Variants in PRKCA observed in about 807,000 individuals in gnomAD.
PRKCA encodes the protein protein kinase C alpha type.
Under a neutral mutation model 87.0 loss-of-function variants are expected in PRKCA, and 27 were observed. The observed-to-expected ratio is 0.31, with a 90% CI of 0.23 to 0.43. PRKCA has a LOEUF of 0.43. Ranked by LOEUF, PRKCA falls within the 20% of genes least tolerant of loss-of-function variation. The pLI is 1.00. For synonymous variants in PRKCA, 329 were observed against 311.1 expected (o/e 1.06, Z -0.61); for missense variants, 518 against 852.3 (o/e 0.61, Z 4.88).
At chr17:66,636,456 G>A (rs1971154400) in intron 3 of PRKCA, among the ~76,000 whole-genome samples, 1 of 152,198 alleles carries the variant, frequency 6.6e-6, no homozygotes, top group Admixed American at 6.5e-5. Flanking sequence ...GAAAGTCCAG[G>A]CATGGGGTGC....
intron 8 of PRKCA, among the ~76,000 whole-genome samples, chr17:66,705,423 C>T (rs1022089321): frequency 3.9e-5 from 6 of 152,114 alleles, no homozygotes; most frequent in African/African-American, 1.4e-4. Flanking sequence ...AGGGTGCATG[C>T]ATTTATATTA....
intron 3 of PRKCA, among the ~76,000 whole-genome samples, chr17:66,582,227 C>T (rs1266047061): frequency 6.6e-6 from 1 of 152,216 alleles, no homozygotes; most frequent in Non-Finnish European, 1.5e-5. Context: ...AGGGATACTT[C>T]TGTATTAACT....
At chr17:66,658,249 G>A (rs1397116064) in intron 5 of PRKCA, among the ~76,000 whole-genome samples, 1 of 152,136 alleles carries the variant, frequency 6.6e-6, no homozygotes, top group Non-Finnish European at 1.5e-5. Context: ...GGAGGTCAAG[G>A]TGGGCAGATC....
At chr17:66,385,611 C>G (rs1388040628) in intron 2 of PRKCA, among the ~76,000 whole-genome samples, 1 of 152,146 alleles carries the variant, frequency 6.6e-6, no homozygotes, top group African/African-American at 2.4e-5. Context: ...CATGGAATCC[C>G]AGCACTTTGA....
At chr17:66,587,768 C>T (rs1335963292) in intron 3 of PRKCA, among the ~76,000 whole-genome samples, 6 of 90,540 alleles carry the variant, frequency 6.6e-5, no homozygotes, top group Non-Finnish European at 1.1e-4. Flanking sequence ...TACATATATA[C>T]GTATATGTGT....
chr17:66,571,381 A>G (rs1475632094), intron 3 of PRKCA, among the ~76,000 whole-genome samples: 2 of 152,180 alleles, frequency 1.3e-5, no homozygotes, highest in African/African-American at 4.8e-5. Flanking sequence ...ATATACAAAT[A>G]TGTTTAAGTT....
At chr17:66,577,258 C>T (rs139585273) in intron 3 of PRKCA, among the ~76,000 whole-genome samples, 54 of 152,264 alleles carry the variant, frequency 3.5e-4, no homozygotes, top group African/African-American at 1.3e-3. Context: ...AGGAGGGACA[C>T]CTGGTCTTCC....
intron 2 of PRKCA, among the ~76,000 whole-genome samples, chr17:66,358,306 GAAT>G (rs1908185639): frequency 6.6e-6 from 1 of 152,104 alleles, no homozygotes. Context: ...CGTTGTAATT[GAAT>G]AATAAGTGTC....
intron 2 of PRKCA, among the ~76,000 whole-genome samples, chr17:66,374,142 C>T (rs1369426443): frequency 6.6e-6 from 1 of 152,138 alleles, no homozygotes; most frequent in African/African-American, 2.4e-5. Context: ...CCCTTGCTCC[C>T]TGGGCAGGGT....
chr17:66,385,774 T>A (rs1366935773), intron 2 of PRKCA, among the ~76,000 whole-genome samples: 3 of 152,156 alleles, frequency 2.0e-5, no homozygotes, highest in African/African-American at 7.2e-5. Context: ...CACAATTATT[T>A]TTTTTCCGAG....
intron 2 of PRKCA, chr17:66,403,632 G>A (rs1301182130): frequency 1.3e-5 from 2 of 152,142 alleles, no homozygotes; most frequent in Non-Finnish European, 1.5e-5. Context: ...CCTGCAGGAG[G>A]GCAAATGTTG....
At chr17:66,437,595 A>G (rs1913463147) in intron 2 of PRKCA, among the ~76,000 whole-genome samples, 1 of 152,164 alleles carries the variant, frequency 6.6e-6, no homozygotes, top group Admixed American at 6.5e-5. Context: ...CCCCAGAGCC[A>G]GAGGACCTGC....
intron 2 of PRKCA, among the ~76,000 whole-genome samples, chr17:66,311,185 G>A (rs1042148868): frequency 1.3e-5 from 2 of 152,198 alleles, no homozygotes; most frequent in African/African-American, 4.8e-5. Context: ...AAGATAGAAT[G>A]CATGGAAGAC....
intron 3 of PRKCA, among the ~76,000 whole-genome samples, chr17:66,634,330 C>T (rs1363962815): frequency 6.6e-6 from 1 of 152,142 alleles, no homozygotes; most frequent in African/African-American, 2.4e-5. Context: ...AGTGTCTGAG[C>T]TGTATTTTTC....
intron 8 of PRKCA, among the ~76,000 whole-genome samples, chr17:66,693,482 A>C (rs1302036387): frequency 6.6e-6 from 1 of 152,174 alleles, no homozygotes. Flanking sequence ...CCTGCTGCAA[A>C]AATATTTGGG....
chr17:66,685,847 C>T (rs1463149734), intron 5 of PRKCA, among the ~76,000 whole-genome samples: 1 of 152,182 alleles, frequency 6.6e-6, no homozygotes, highest in Admixed American at 6.5e-5. Context: ...ATGCTAATTG[C>T]CTAGATCTGT....
At chr17:66,396,192 C>A (rs1270949439) in intron 2 of PRKCA, among the ~76,000 whole-genome samples, 1 of 151,988 alleles carries the variant, frequency 6.6e-6, no homozygotes, top group Non-Finnish European at 1.5e-5. Flanking sequence ...AGAATAATTT[C>A]CATCTGAGTT....
intron 5 of PRKCA, among the ~76,000 whole-genome samples, chr17:66,673,504 A>G (rs1201366236): frequency 6.6e-6 from 1 of 152,216 alleles, no homozygotes; most frequent in African/African-American, 2.4e-5. Context: ...AGTGTATCTC[A>G]TTATTCTTGC....
At chr17:66,685,660 G>A (rs1184872692) in intron 5 of PRKCA, among the ~76,000 whole-genome samples, 1 of 152,122 alleles carries the variant, frequency 6.6e-6, no homozygotes, top group Non-Finnish European at 1.5e-5. Context: ...GGCAATGCCT[G>A]TCTCTGACTT....
Sources: allele counts gnomAD v4.1 joint callset (sites outside exome capture counted in the v4.1 genomes callset), GRCh38; gene constraint gnomAD v4.1.1; transcripts MANE v1.5; gene names NCBI Gene and HGNC (gene_info 2026-07-23, HGNC 2026-07-21).